The following IGSF21 variants were observed in gnomAD, a reference collection of about 807,000 sequenced individuals.
The protein encoded by IGSF21 is immunoglobin superfamily member 21.
A neutral mutation model predicts 46.8 loss-of-function variants in IGSF21; 28 were observed. That is an observed-to-expected ratio of 0.60 (90% confidence interval 0.44 to 0.82). IGSF21 has a LOEUF of 0.82. Ranked by LOEUF, IGSF21 falls within the 40% of genes least tolerant of loss-of-function variation. IGSF21 has a pLI of 0.00. For missense variants in IGSF21, 624 were observed against 665.5 expected, an observed-to-expected ratio of 0.94 and a Z score of 0.69; for synonymous variants, 284 against 273.6, an observed-to-expected ratio of 1.04 and a Z score of -0.38.
intron 1 of IGSF21, among the ~76,000 whole-genome samples, chr1:18,205,935 C>A (rs1271975253): frequency 2.0e-5 from 3 of 152,194 alleles, no homozygotes; most frequent in Non-Finnish European, 4.4e-5. Context: ...TAACACTATG[C>A]CTACCTCATC....
intron 1 of IGSF21, among the ~76,000 whole-genome samples, chr1:18,195,816 G>T (rs2087001422): frequency 6.6e-6 from 1 of 152,216 alleles, no homozygotes; most frequent in Non-Finnish European, 1.5e-5. Context: ...GTCTGGTGGG[G>T]ACCAAGACTC....
At chr1:18,299,010 G>C (rs755840098) in intron 3 of IGSF21, among the ~76,000 whole-genome samples, 1 of 152,236 alleles carries the variant, frequency 6.6e-6, no homozygotes, top group Non-Finnish European at 1.5e-5. Context: ...GTAATAAAGT[G>C]ATCGCTGTCA....
intron 1 of IGSF21, among the ~76,000 whole-genome samples, chr1:18,166,042 G>A (rs1338098034): frequency 3.9e-5 from 6 of 152,164 alleles, no homozygotes; most frequent in East Asian, 1.9e-4. Flanking sequence ...GTGTACTCTC[G>A]TGGTAAAACT....
chr1:18,320,193 G>A (rs1443677353), intron 3 of IGSF21, among the ~76,000 whole-genome samples: 4 of 152,186 alleles, frequency 2.6e-5, no homozygotes, highest in African/African-American at 9.7e-5. Context: ...TCGGATCTTG[G>A]TGCCAGCAGG....
chr1:18,198,227 A>T (rs2087028968), intron 1 of IGSF21, among the ~76,000 whole-genome samples: 1 of 152,198 alleles, frequency 6.6e-6, no homozygotes, highest in South Asian at 2.1e-4. Context: ...GCCATACCAG[A>T]GTAAGAGCCC....
intron 2 of IGSF21, among the ~76,000 whole-genome samples, chr1:18,287,750 C>T (rs988922196): frequency 5.3e-5 from 8 of 152,166 alleles, no homozygotes; most frequent in Non-Finnish European, 1.0e-4. Flanking sequence ...GAAGCTGCTA[C>T]GATGACTACT....
At chr1:18,231,557 C>G (rs1034158778) in intron 2 of IGSF21, among the ~76,000 whole-genome samples, 5 of 152,196 alleles carry the variant, frequency 3.3e-5, no homozygotes, top group African/African-American at 4.8e-5. Flanking sequence ...GCCCCTTGGT[C>G]TGGGTTGTCC....
At chr1:18,110,997 G>C (rs1002892526) in intron 1 of IGSF21, 1 of 152,342 alleles carries the variant, frequency 6.6e-6, no homozygotes, top group Non-Finnish European at 1.5e-5. Flanking sequence ...CGGGTTCTCG[G>C]GTTCTCTGTC....
At chr1:18,111,658 T>G (rs1348262646) in intron 1 of IGSF21, 1 of 152,198 alleles carries the variant, frequency 6.6e-6, no homozygotes, top group East Asian at 1.9e-4. Context: ...ATTATATGGA[T>G]CAGCTGCGAT....
intron 2 of IGSF21, among the ~76,000 whole-genome samples, chr1:18,250,756 G>A (rs760923614): frequency 1.3e-5 from 2 of 152,132 alleles, no homozygotes; most frequent in Non-Finnish European, 2.9e-5. Context: ...CAGTCTACAA[G>A]CATTTATAAA....
chr1:18,122,652 G>A (rs1156733485), intron 1 of IGSF21, among the ~76,000 whole-genome samples: 1 of 137,406 alleles, frequency 7.3e-6, no homozygotes, highest in Non-Finnish European at 1.5e-5. Flanking sequence ...ATGGAGTCTC[G>A]CTCTGTCACC....
At chr1:18,227,747 A>T in intron 1 of IGSF21, 151 bp from the exon 2 acceptor site, 1 of 625,998 alleles carries the variant, frequency 1.6e-6, no homozygotes, top group Non-Finnish European at 2.9e-6. Flanking sequence ...CATTCACAGA[A>T]ACCACAGTGT....
At position 18,318,606 on chromosome 1, in the gene IGSF21, C is replaced by T. The variant is rs142525833; in HGVS notation, c.306-16286C>T. Among the ~76,000 whole-genome samples, 64 of 152,216 alleles carry T rather than the reference C, an allele frequency of 4.2e-4. No homozygotes were observed. The East Asian group carries it at 0.012, about 29-fold the overall frequency. On this transcript the variant is annotated intron_variant, in intron 3 of 9. Transcript: ENST00000251296. ...ACCCATTCAGGTGGATGCCACCCCA[C>T]TTCTTCCATGGCAGGATCATCCCTG...
At chr1:18,124,598 T>C (rs11261056) in intron 1 of IGSF21, among the ~76,000 whole-genome samples, 99,738 of 152,022 alleles carry the variant, frequency 0.66, 33,135 homozygotes, top group African/African-American at 0.68. Flanking sequence ...GGGCTCCAGC[T>C]ACAGCTGGAG....
At chr1:18,306,853 C>A (rs1232876859) in intron 3 of IGSF21, among the ~76,000 whole-genome samples, 2 of 152,238 alleles carry the variant, frequency 1.3e-5, no homozygotes, top group Non-Finnish European at 2.9e-5. Flanking sequence ...TTATCGGCCC[C>A]TTCCTCGGTG....
At chr1:18,311,171 A>T (rs1026864455) in intron 3 of IGSF21, among the ~76,000 whole-genome samples, 1 of 152,182 alleles carries the variant, frequency 6.6e-6, no homozygotes, top group Non-Finnish European at 1.5e-5. Context: ...GCAGGATATG[A>T]GAGCCCCAGG....
At chr1:18,361,605 T>A (rs1194591543) in intron 4 of IGSF21, 1 of 155,078 alleles carries the variant, frequency 6.4e-6, no homozygotes, top group Non-Finnish European at 1.4e-5. Context: ...ACAAAAATAA[T>A]CCAGGCATGG....
chr1:18,273,063 T>TTTTTTTTTTTTTTG (rs1353067677), intron 2 of IGSF21, among the ~76,000 whole-genome samples: 1 of 148,440 alleles, frequency 6.7e-6, no homozygotes, highest in African/African-American at 2.5e-5. Context: ...TTTTTTTTTT[T>TTTTTTTTTTTTTTG]TAGATGGAGT....
intron 3 of IGSF21, among the ~76,000 whole-genome samples, chr1:18,324,488 C>T (rs1019072600): frequency 7.2e-5 from 11 of 152,208 alleles, no homozygotes; most frequent in Admixed American, 2.0e-4. Context: ...GAACCTTTGA[C>T]GGATCACCTG....
Sources: allele counts gnomAD v4.1 joint callset (sites outside exome capture counted in the v4.1 genomes callset), GRCh38; gene constraint gnomAD v4.1.1; transcripts MANE v1.5; gene names NCBI Gene and HGNC (gene_info 2026-07-23, HGNC 2026-07-21).